Variants in TECRL observed in about 807,000 individuals in gnomAD.
TECRL encodes the protein trans-2,3-enoyl-CoA reductase-like.
TECRL carries 63 observed loss-of-function variants against 52.8 expected under a neutral mutation model. The observed-to-expected ratio is 1.19, with a 90% CI of 0.97 to 1.47. TECRL has a LOEUF of 1.47. Ranked by LOEUF, TECRL falls within the 40% of genes most tolerant of loss-of-function variation. The pLI is 0.00. For synonymous variants in TECRL, 164 were observed against 141.9 expected (o/e 1.16, Z -1.10); for missense variants, 482 against 429.6 (o/e 1.12, Z -1.08).
At chr4:64,366,498 A>C (rs1182603379) in intron 2 of TECRL, among the ~76,000 whole-genome samples, 2 of 151,806 alleles carry the variant, frequency 1.3e-5, no homozygotes, top group Non-Finnish European at 2.9e-5. Flanking sequence ...GGGAGAAAAT[A>C]TTTGCAAACT....
intron 7 of TECRL, among the ~76,000 whole-genome samples, chr4:64,302,978 AT>A (rs1207990287): frequency 2.0e-5 from 3 of 151,188 alleles, no homozygotes; most frequent in Non-Finnish European, 4.4e-5. Flanking sequence ...GTTTTTAAGA[AT>A]TTTTTTGTGC....
At chr4:64,282,210 C>A (rs1483708) in intron 9 of TECRL, among the ~76,000 whole-genome samples, 147,065 of 152,014 alleles carry the variant, frequency 0.97, 71,161 homozygotes, top group East Asian at 1. Context: ...TCCCCTTTCA[C>A]TTGTTTTTAA....
At chr4:64,296,437 A>G (rs941336767) in intron 8 of TECRL, among the ~76,000 whole-genome samples, 1 of 152,008 alleles carries the variant, frequency 6.6e-6, no homozygotes, top group African/African-American at 2.4e-5. Context: ...TAAGTGACTG[A>G]ATAACTAATG....
intron 4 of TECRL, among the ~76,000 whole-genome samples, chr4:64,315,416 G>C (rs888806295): frequency 4.6e-5 from 7 of 152,056 alleles, no homozygotes; most frequent in African/African-American, 7.2e-5. Flanking sequence ...GATTGCAAAA[G>C]ATTAATTGGC....
Position 64,378,503 on chromosome 4 carries a change from A to T in TECRL, c.235-3280T>A, listed in dbSNP as rs149114216. Reference sequence around the variant, plus strand: ...GGGAGACCCTGTCTCAAACAAACAAACAAACAAAGATAAATAAGGTAGTAG... The same window carrying T: ...GGGAGACCCTGTCTCAAACAAACAATCAAACAAAGATAAATAAGGTAGTAG... On this transcript the variant is annotated intron_variant, in intron 1 of 11. Transcript: ENST00000381210. Among the ~76,000 whole-genome samples the T allele has an allele frequency of 1.3e-3, 194 of 152,216 alleles. 1 individual carries two copies. The highest frequency in any genetic ancestry group is 1.5e-3 in the Non-Finnish European group (105 of 68,006).
intron 8 of TECRL, among the ~76,000 whole-genome samples, chr4:64,291,399 C>T (rs1302852321): frequency 1.3e-5 from 2 of 151,908 alleles, no homozygotes; most frequent in East Asian, 1.9e-4. Flanking sequence ...GTTTAGTCTT[C>T]GTATCTTTTG....
chr4:64,407,734 A>C (rs144404766), intron 1 of TECRL, among the ~76,000 whole-genome samples: 31 of 151,628 alleles, frequency 2.0e-4, no homozygotes, highest in African/African-American at 7.2e-4. Context: ...TTCATAGTGG[A>C]ATATTATAAA....
intron 7 of TECRL, among the ~76,000 whole-genome samples, chr4:64,302,800 T>A (rs912837135): frequency 6.6e-6 from 1 of 151,476 alleles, no homozygotes; most frequent in African/African-American, 2.4e-5. Flanking sequence ...TTTCATTTCA[T>A]CTTCCTTAAA....
intron 8 of TECRL, among the ~76,000 whole-genome samples, chr4:64,293,440 T>TA (rs957424708): frequency 6.6e-6 from 1 of 152,012 alleles, no homozygotes; most frequent in African/African-American, 2.4e-5. Flanking sequence ...ACAATTTTTT[T>TA]AAAAAAATAC....
chr4:64,374,793 T>G (rs1722281990), intron 2 of TECRL, among the ~76,000 whole-genome samples: 1 of 152,170 alleles, frequency 6.6e-6, no homozygotes, highest in African/African-American at 2.4e-5. Context: ...TGCCACATTT[T>G]CTTAATCCAG....
At chr4:64,296,128 T>A (rs1181990327) in intron 8 of TECRL, among the ~76,000 whole-genome samples, 1 of 151,958 alleles carries the variant, frequency 6.6e-6, no homozygotes, top group Non-Finnish European at 1.5e-5. Flanking sequence ...AGTAGACTGC[T>A]GAAAATGAAA....
At chr4:64,312,293 T>C (rs1263230559) in intron 5 of TECRL, among the ~76,000 whole-genome samples, 1 of 152,212 alleles carries the variant, frequency 6.6e-6, no homozygotes, top group East Asian at 1.9e-4. Flanking sequence ...GTGATTATTT[T>C]CTAAATCTAG....
intron 2 of TECRL, among the ~76,000 whole-genome samples, chr4:64,372,448 T>C (rs1005540837): frequency 1.4e-4 from 21 of 151,834 alleles, no homozygotes; most frequent in Non-Finnish European, 3.0e-4. Context: ...TTTCTCTCTT[T>C]CTATTTCTTC....
chr4:64,403,890 T>C (rs1212118616), intron 1 of TECRL, among the ~76,000 whole-genome samples: 1 of 151,372 alleles, frequency 6.6e-6, no homozygotes, highest in Non-Finnish European at 1.5e-5. Context: ...AAAAAGATAC[T>C]GTCATTTGCA....
In TECRL at chr4:64,278,350, C is replaced by T. The variant is rs905707535; in HGVS notation, c.*1722G>A. On this transcript the variant is annotated 3_prime_UTR_variant, in exon 12 of 12. Transcript: ENST00000381210. ...AACTAATGACATAATACCTATGACA[C>T]ATCTCACTAACAGATTGAACAATAA... 5.4e-6 allele frequency: 1 copy of T among 186,248 alleles called. No homozygotes were observed. Among genetic ancestry groups the T allele is most frequent in the Admixed American group, 6.6e-5 (1 of 15,260 alleles). The allele number at this position is 186,248 out of a possible 1,614,324, so 11.5% of individuals were successfully genotyped here. A position where few individuals can be genotyped will look rare whatever the true frequency, so the allele number is the denominator to read the frequency against.
intron 2 of TECRL, among the ~76,000 whole-genome samples, chr4:64,366,260 T>C (rs1420436235): frequency 1.3e-5 from 2 of 151,828 alleles, no homozygotes; most frequent in Non-Finnish European, 2.9e-5. Context: ...AATACTTAAA[T>C]GTAAAGATGG....
intron 3 of TECRL, among the ~76,000 whole-genome samples, chr4:64,327,427 G>C (rs1456086491): frequency 1.3e-5 from 2 of 152,000 alleles, no homozygotes; most frequent in African/African-American, 2.4e-5. Flanking sequence ...ACTCTTTGAG[G>C]CTTCTTTGTG....
chr4:64,290,848 CA>C (rs1484388865), intron 8 of TECRL, among the ~76,000 whole-genome samples: 6 of 151,934 alleles, frequency 3.9e-5, no homozygotes, highest in Non-Finnish European at 8.8e-5. Flanking sequence ...ATAATGTAAA[CA>C]AATACACCAA....
At position 64,284,590 on chromosome 4, in the gene TECRL, C is replaced by T. The variant is rs77945132; in HGVS notation, c.833-3031G>A. 3.4e-3 allele frequency among the ~76,000 whole-genome samples: 520 copies of T among 152,116 alleles called. 1 individual carries two copies. The highest frequency in any genetic ancestry group is 5.8e-3 in the Admixed American group (89 of 15,240). On this transcript the variant is annotated intron_variant, in intron 9 of 11. Transcript: ENST00000381210. ...TAGTAGTGAACGGGATTAAAGGACC[C>T]TTCCTCACACCACTCCCTAGAAAAT...
Sources: gnomAD v4.1 joint callset for allele counts (sites outside exome capture counted in the v4.1 genomes callset) on GRCh38, gnomAD v4.1.1 for gene constraint, MANE v1.5 for transcripts, NCBI Gene and HGNC (gene_info 2026-07-23, HGNC 2026-07-21) for gene names.